The following DAB1 variants were observed in gnomAD, a reference collection of about 807,000 sequenced individuals.
DAB1 encodes disabled homolog 1.
Under a neutral mutation model 64.6 loss-of-function variants are expected in DAB1, and 15 were observed. That is an observed-to-expected ratio of 0.23 (90% CI 0.16 to 0.36). DAB1 has a LOEUF of 0.36. DAB1 is among the 10% of genes least tolerant of loss of function. DAB1 has a pLI of 1.00. For synonymous variants in DAB1, 235 were observed against 251.9 expected (o/e 0.93, Z 0.64); for missense variants, 596 against 706.7 (o/e 0.84, Z 1.78).
chr1:57,419,375 T>A (rs561078283), intron 1 of DAB1, among the ~76,000 whole-genome samples: 33 of 152,226 alleles, frequency 2.2e-4, no homozygotes, highest in African/African-American at 7.9e-4. Flanking sequence ...ATCAAAGTCA[T>A]TTTACTTTCC....
At chr1:57,476,386 A>G (rs1643937939) in intron 7 of DAB1, among the ~76,000 whole-genome samples, 1 of 151,994 alleles carries the variant, frequency 6.6e-6, no homozygotes, top group African/African-American at 2.4e-5. Context: ...AATTTCTCCT[A>G]CCTCTGTGAA....
intron 5 of DAB1, among the ~76,000 whole-genome samples, chr1:58,112,924 C>G (rs535611401): frequency 2.5e-4 from 38 of 152,290 alleles, no homozygotes; most frequent in African/African-American, 8.9e-4. Flanking sequence ...AGAAAAGCCA[C>G]AGCTCTGAGA....
intron 1 of DAB1, among the ~76,000 whole-genome samples, chr1:57,328,516 G>A (rs914207271): frequency 2.0e-5 from 3 of 152,178 alleles, no homozygotes; most frequent in Non-Finnish European, 4.4e-5. Context: ...GTATTTTGCA[G>A]TAGGGAAGCA....
At chr1:57,034,141 G>T (rs750825705) in intron 9 of DAB1, among the ~76,000 whole-genome samples, 1 of 152,038 alleles carries the variant, frequency 6.6e-6, no homozygotes, top group South Asian at 2.1e-4. Context: ...TTAGCCAGAC[G>T]TGATGGCAGG....
intron 7 of DAB1, among the ~76,000 whole-genome samples, chr1:57,529,573 A>C (rs1644636790): frequency 1.3e-5 from 2 of 152,172 alleles, no homozygotes; most frequent in African/African-American, 4.8e-5. Context: ...TGTTGTGACT[A>C]TATTAATACC....
chr1:57,163,740 G>A (rs981649830), intron 2 of DAB1, among the ~76,000 whole-genome samples: 1 of 152,098 alleles, frequency 6.6e-6, no homozygotes, highest in Non-Finnish European at 1.5e-5. Flanking sequence ...ATATGCTGGA[G>A]GAAGAGCAGA....
chr1:57,357,486 A>G (rs1055964419), intron 1 of DAB1, among the ~76,000 whole-genome samples: 7 of 133,476 alleles, frequency 5.2e-5, no homozygotes, highest in Admixed American at 5.1e-4. Context: ...TCACTGATTT[A>G]TGGTTTTCAT....
intron 4 of DAB1, among the ~76,000 whole-genome samples, chr1:58,340,592 A>G (rs1187864217): frequency 6.6e-6 from 1 of 152,206 alleles, no homozygotes; most frequent in East Asian, 1.9e-4. Context: ...CTCATCTAGA[A>G]TGGATACCAG....
intron 1 of DAB1, among the ~76,000 whole-genome samples, chr1:57,324,227 A>G (rs1345937411): frequency 1.3e-5 from 2 of 152,218 alleles, no homozygotes; most frequent in South Asian, 4.1e-4. Context: ...GAACCAATCT[A>G]AACTTTATTA....
chr1:57,026,132 C>T (rs543450075), intron 9 of DAB1, 89 bp from the exon 10 acceptor site: 3 of 958,894 alleles, frequency 3.1e-6, no homozygotes, highest in South Asian at 1.5e-5. Context: ...TGGGGATACA[C>T]ATTTCTGTTT....
At chr1:58,249,411 A>G (rs1164824255) in intron 4 of DAB1, among the ~76,000 whole-genome samples, 1 of 151,788 alleles carries the variant, frequency 6.6e-6, no homozygotes, top group Non-Finnish European at 1.5e-5. Flanking sequence ...GGTTATGCCT[A>G]ATTGGTCACT....
chr1:57,775,821 G>A (rs1418527859), intron 6 of DAB1, among the ~76,000 whole-genome samples: 3 of 151,504 alleles, frequency 2.0e-5, no homozygotes, highest in Non-Finnish European at 4.4e-5. Flanking sequence ...CAATTTAACG[G>A]TAATCTTGTT....
At chr1:57,682,110 T>C (rs1646642738) in intron 6 of DAB1, among the ~76,000 whole-genome samples, 2 of 151,892 alleles carry the variant, frequency 1.3e-5, no homozygotes, top group African/African-American at 2.4e-5. Flanking sequence ...TCATAATATA[T>C]TGCCACAAAG....
intron 3 of DAB1, among the ~76,000 whole-genome samples, chr1:58,372,452 G>A (rs1004801969): frequency 6.6e-6 from 1 of 152,182 alleles, no homozygotes; most frequent in Non-Finnish European, 1.5e-5. Context: ...CTCAGAGGTG[G>A]AAGGGACTTG....
intron 5 of DAB1, among the ~76,000 whole-genome samples, chr1:57,971,000 A>T (rs537779332): frequency 2.0e-5 from 3 of 152,316 alleles, no homozygotes; most frequent in African/African-American, 7.2e-5. Context: ...TAGTGGTTTC[A>T]GGACATTTTT....
intron 5 of DAB1, among the ~76,000 whole-genome samples, chr1:58,126,237 G>C (rs1161767758): frequency 6.6e-6 from 1 of 152,128 alleles, no homozygotes; most frequent in Non-Finnish European, 1.5e-5. Flanking sequence ...CAAGATTCCT[G>C]TTGGGGTAAC....
chr1:57,951,027 G>A (rs1437444494), intron 5 of DAB1, among the ~76,000 whole-genome samples: 2 of 152,086 alleles, frequency 1.3e-5, no homozygotes, highest in Non-Finnish European at 2.9e-5. Flanking sequence ...AAATTGGGAG[G>A]CTTGGAAGTA....
intron 5 of DAB1, among the ~76,000 whole-genome samples, chr1:58,079,712 G>C (rs1380776847): frequency 1.3e-5 from 2 of 151,406 alleles, no homozygotes; most frequent in Non-Finnish European, 2.9e-5. Context: ...GTAGAGACAG[G>C]GTTTCACTAT....
intron 3 of DAB1, among the ~76,000 whole-genome samples, chr1:58,405,499 G>A (rs908194884): frequency 6.6e-6 from 1 of 151,976 alleles, no homozygotes; most frequent in African/African-American, 2.4e-5. Context: ...CCGAGTAGCT[G>A]GGACTACAGG....
Sources: gnomAD v4.1 joint callset for allele counts (sites outside exome capture counted in the v4.1 genomes callset) on GRCh38, gnomAD v4.1.1 for gene constraint, MANE v1.5 for transcripts, NCBI Gene and HGNC (gene_info 2026-07-23, HGNC 2026-07-21) for gene names.